RANBP2: variants seen among roughly 807,000 people sequenced by gnomAD.
The protein encoded by RANBP2 is RAN binding protein 2.
In RANBP2, 57 loss-of-function variants were observed where a neutral mutation model predicts 303.6. That is an observed-to-expected ratio of 0.19 (90% CI 0.15 to 0.23). The LOEUF is 0.23. Ranked by LOEUF, RANBP2 falls within the 10% of genes least tolerant of loss-of-function variation. The probability of loss-of-function intolerance (pLI) is 1.00; values close to 1 mark genes in which losing one functional copy is unlikely to be tolerated. For missense variants in RANBP2, 3,138 were observed against 3,780.8 expected, an observed-to-expected ratio of 0.83 and a Z score of 4.46; for synonymous variants, 1,167 against 1,301.5, an observed-to-expected ratio of 0.90 and a Z score of 2.23.
the RANBP2 span, among the ~76,000 whole-genome samples, chr2:109,147,894 C>T: frequency 3.3e-5 from 5 of 152,102 alleles, no homozygotes; most frequent in South Asian, 2.1e-4. Context: ...ATAAACTCTG[C>T]GTTTATAGTT....
At chr2:109,098,563 G>A in the RANBP2 span, among the ~76,000 whole-genome samples, 2 of 152,124 alleles carry the variant, frequency 1.3e-5, no homozygotes, top group African/African-American at 4.8e-5. Flanking sequence ...TACACTCTTT[G>A]TTCTTTGTTT....
the RANBP2 span, among the ~76,000 whole-genome samples, chr2:109,428,642 AGGT>A: frequency 1.3e-5 from 2 of 152,362 alleles, no homozygotes; most frequent in East Asian, 3.9e-4. Flanking sequence ...ACACGCTACC[AGGT>A]GGTGGTGAGG....
Position 108,771,728 on chromosome 2 carries a change from C to G in RANBP2, c.7877C>G (p.Ser2626Cys), listed in dbSNP as rs1677509419. 1 of 1,613,578 alleles carries G rather than the reference C, an allele frequency of 6.2e-7. No homozygotes were observed. The highest frequency in any genetic ancestry group is 8.5e-7 in the Non-Finnish European group (1 of 1,179,910). ...KAKEKKKPED[S>C]PSDDDVLIVY... Reference sequence around the variant, plus strand: ...AAAGAGAAGAAAAAACCTGAAGATTCTCCCTCAGATGATGATGTTCTCATT... The same window carrying G: ...AAAGAGAAGAAAAAACCTGAAGATTGTCCCTCAGATGATGATGTTCTCATT... The change falls in exon 21 of 29, where the codon TCT becomes TGT. Residue 2626 changes from serine (S) to cysteine (C), a missense_variant. Physicochemically the swap from Ser to Cys is moderately radical, Grantham distance 112. Coordinates refer to ENST00000283195, the MANE Select transcript of RANBP2 (RefSeq NM_006267.5).
Position 108,767,215 on chromosome 2 carries a change from A to G in RANBP2, c.6676A>G (p.Asn2226Asp). The G allele has an allele frequency of 1.2e-6, 2 of 1,612,062 alleles. No individual in the cohort carries two copies. The highest frequency in any genetic ancestry group is 1.7e-6 in the Non-Finnish European group (2 of 1,179,864). ...CACTGGGCCCACATTAGAATGGGAT[A>G]ACTATGATTTAAGGGAAGATGCTTT... ...ENTGPTLEWD[N>D]YDLREDALDD... Residue 2226 changes from asparagine to aspartate, a missense_variant, in exon 20 of 29, where the codon AAC becomes GAC. Asn to Asp is a conservative substitution (Grantham distance 23). This residue lies in a region of RANBP2 where 72 missense variants were observed against 86.8 expected (regional missense o/e 0.83). Coordinates refer to ENST00000283195, the MANE Select transcript of RANBP2 (RefSeq NM_006267.5).
At chr2:108,881,812 G>A in the RANBP2 span, among the ~76,000 whole-genome samples, 1 of 152,132 alleles carries the variant, frequency 6.6e-6, no homozygotes, top group Non-Finnish European at 1.5e-5. Flanking sequence ...TTACATGGGT[G>A]TGGTTCTTGG....
the RANBP2 span, among the ~76,000 whole-genome samples, chr2:109,232,147 A>G: frequency 1.3e-5 from 2 of 152,218 alleles, no homozygotes; most frequent in Non-Finnish European, 2.9e-5. Context: ...TTGTAGTGGA[A>G]TGACCAGATC....
At chr2:109,138,404 G>C in the RANBP2 span, among the ~76,000 whole-genome samples, 1 of 152,204 alleles carries the variant, frequency 6.6e-6, no homozygotes, top group Non-Finnish European at 1.5e-5. Context: ...AAAACAAAAG[G>C]CTTGGGAGTT....
At chr2:108,826,352 C>CT in the RANBP2 span, among the ~76,000 whole-genome samples, 2 of 152,092 alleles carry the variant, frequency 1.3e-5, no homozygotes, top group South Asian at 4.1e-4. Flanking sequence ...AAAGATTTAT[C>CT]TGTATGTTTT....
At chr2:109,622,072 A>G in the RANBP2 span, among the ~76,000 whole-genome samples, 1 of 152,210 alleles carries the variant, frequency 6.6e-6, no homozygotes. Context: ...AAGACGGCTA[A>G]GACTTTCAGG....
the RANBP2 span, among the ~76,000 whole-genome samples, chr2:109,702,491 A>G: frequency 6.6e-6 from 1 of 152,188 alleles, no homozygotes; most frequent in African/African-American, 2.4e-5. Flanking sequence ...GGCGTCCTGC[A>G]GCAAGCCAGA....
the RANBP2 span, among the ~76,000 whole-genome samples, chr2:108,877,200 G>T: frequency 2.6e-5 from 4 of 152,256 alleles, no homozygotes; most frequent in African/African-American, 9.6e-5. Context: ...AGGCGCGGTG[G>T]CTTACGCCTG....
the RANBP2 span, among the ~76,000 whole-genome samples, chr2:109,085,234 C>G: frequency 6.6e-6 from 1 of 152,206 alleles, no homozygotes; most frequent in East Asian, 1.9e-4. Flanking sequence ...TAGCAGGGGG[C>G]ACATCAGTGA....
At chr2:109,319,711 A>G in the RANBP2 span, among the ~76,000 whole-genome samples, 1 of 152,298 alleles carries the variant, frequency 6.6e-6, no homozygotes, top group South Asian at 2.1e-4. Flanking sequence ...GCCGGAGCCA[A>G]ATGGTGTGGG....
chr2:108,804,858 T>TTAGA, the RANBP2 span: 1 of 1,479,316 alleles, frequency 6.8e-7, no homozygotes. Flanking sequence ...CTTACAAGTT[T>TTAGA]TAGATGAGAG....
At chr2:108,911,617 C>T in the RANBP2 span, among the ~76,000 whole-genome samples, 1 of 152,320 alleles carries the variant, frequency 6.6e-6, no homozygotes, top group African/African-American at 2.4e-5. Flanking sequence ...CAGGCAGTCC[C>T]TCAGTCACCC....
At chr2:108,956,828 G>T in the RANBP2 span, among the ~76,000 whole-genome samples, 2 of 148,718 alleles carry the variant, frequency 1.3e-5, no homozygotes, top group Non-Finnish European at 3.0e-5. Flanking sequence ...TGTTCTTGTT[G>T]CCCAGGCTAC....
the RANBP2 span, among the ~76,000 whole-genome samples, chr2:109,521,135 G>A: frequency 1.3e-5 from 2 of 151,116 alleles, no homozygotes; most frequent in Non-Finnish European, 2.9e-5. Context: ...GGAGAATGGC[G>A]TGAACCCGGG....
At chr2:109,316,005 G>T in the RANBP2 span, among the ~76,000 whole-genome samples, 1 of 152,204 alleles carries the variant, frequency 6.6e-6, no homozygotes, top group South Asian at 2.1e-4. Flanking sequence ...ATATGTGCAT[G>T]CATCAGGGGC....
the RANBP2 span, among the ~76,000 whole-genome samples, chr2:109,014,254 A>G: frequency 2.0e-5 from 3 of 152,330 alleles, no homozygotes; most frequent in South Asian, 2.1e-4. Context: ...GAGAGACACA[A>G]GGATCCTGGA....
Sources: gnomAD v4.1 joint callset for allele counts (sites outside exome capture counted in the v4.1 genomes callset) on GRCh38, gnomAD v4.1.1 for gene constraint, gnomAD v4.1.1 regional missense constraint, MANE v1.5 for transcripts, NCBI Gene and HGNC (gene_info 2026-07-23, HGNC 2026-07-21) for gene names.